EYS: variants seen among roughly 807,000 people sequenced by gnomAD.
The protein encoded by EYS is protein eyes shut homolog.
Under a neutral mutation model 282.1 loss-of-function variants are expected in EYS, and 250 were observed. That is an observed-to-expected ratio of 0.89 (90% CI 0.80 to 0.98). EYS has a LOEUF of 0.98. Among genes scored for constraint, EYS ranks in the 50% least tolerant of loss-of-function variants. The pLI, the probability that EYS is intolerant of heterozygous loss-of-function variation, is 0.00. For synonymous variants in EYS, 1,355 were observed against 1,282.9 expected (o/e 1.06, Z -1.20); for missense variants, 4,016 against 3,709.0 (o/e 1.08, Z -2.15).
At chr6:64,285,095 A>G (rs1021955616) in intron 30 of EYS, among the ~76,000 whole-genome samples, 3 of 152,180 alleles carry the variant, frequency 2.0e-5, no homozygotes, top group African/African-American at 7.2e-5. Flanking sequence ...TTTATTTTCT[A>G]TCCCATTGTC....
intron 31 of EYS, among the ~76,000 whole-genome samples, chr6:64,134,956 G>GT (rs1215601399): frequency 6.6e-6 from 1 of 152,084 alleles, no homozygotes; most frequent in African/African-American, 2.4e-5. Flanking sequence ...TTCATAACTA[G>GT]TAAGAAAGGC....
chr6:64,508,031 T>C (rs564513171), intron 26 of EYS, among the ~76,000 whole-genome samples: 2 of 152,276 alleles, frequency 1.3e-5, no homozygotes, highest in East Asian at 3.9e-4. Context: ...TTCTACTACT[T>C]TGGTAGTTTG....
At chr6:64,897,703 C>A (rs1583273175) in intron 18 of EYS, among the ~76,000 whole-genome samples, 1 of 152,094 alleles carries the variant, frequency 6.6e-6, no homozygotes, top group African/African-American at 2.4e-5. Flanking sequence ...AGCTAAGAAC[C>A]TTGATAAAAT....
intron 39 of EYS, among the ~76,000 whole-genome samples, chr6:63,783,761 G>T (rs1207993505): frequency 6.6e-6 from 1 of 152,134 alleles, no homozygotes; most frequent in Non-Finnish European, 1.5e-5. Context: ...TTTAAGCACG[G>T]GCCCTGAGGC....
In EYS at chr6:64,513,537, A is replaced by G. The variant is rs151043651; in HGVS notation, c.5645-74185T>C. Reference sequence around the variant, plus strand: ...TAGAAAATATTTTACTGTCCCTACAACAAATGATTAAGTGCTAAATGGGTA... The same window carrying G: ...TAGAAAATATTTTACTGTCCCTACAGCAAATGATTAAGTGCTAAATGGGTA... On this transcript the variant is annotated intron_variant, in intron 26 of 42. Transcript: ENST00000503581. Among the ~76,000 whole-genome samples, 54 of 152,046 alleles carry G rather than the reference A, an allele frequency of 3.6e-4. 1 individual carries two copies. The Middle Eastern group carries it at 0.01, about 29-fold the overall frequency.
intron 31 of EYS, among the ~76,000 whole-genome samples, chr6:64,181,904 T>G (rs1242678166): frequency 6.6e-6 from 1 of 152,160 alleles, no homozygotes; most frequent in African/African-American, 2.4e-5. Context: ...GGTAAAGGAC[T>G]TCTATGATGT....
At position 64,921,977 on chromosome 6, in the gene EYS, A is replaced by C. The variant is rs192200071; in HGVS notation, c.2382-9234T>G. Among the ~76,000 whole-genome samples, 148 of 152,314 alleles carry C rather than the reference A, an allele frequency of 9.7e-4. 1 individual carries two copies. The highest frequency in any genetic ancestry group is 4.4e-5 in the Non-Finnish European group (3 of 68,030). ...TAAAAAACAAGAACAAAAATTAAAA[A>C]AAAAAACTTGCTTGAAATATAAGGC... is the stretch of plus-strand genomic sequence containing the variant. On this transcript the variant is annotated intron_variant, in intron 15 of 42. Transcript: ENST00000503581.
At chr6:65,157,811 C>A (rs569932339) in intron 12 of EYS, among the ~76,000 whole-genome samples, 1 of 150,528 alleles carries the variant, frequency 6.6e-6, no homozygotes, top group African/African-American at 2.4e-5. Context: ...CATATTATAA[C>A]TTTAACATGT....
intron 5 of EYS, among the ~76,000 whole-genome samples, chr6:65,455,660 A>G (rs1446849468): frequency 2.0e-5 from 3 of 152,112 alleles, no homozygotes; most frequent in Non-Finnish European, 4.4e-5. Flanking sequence ...GAAAAAATTG[A>G]TATGTTTCTG....
In EYS at chr6:64,798,338, T is replaced by C. The variant is rs367718962; in HGVS notation, c.3443+15040A>G. 2.0e-5 allele frequency among the ~76,000 whole-genome samples: 3 copies of C among 151,904 alleles called. No individual in the cohort carries two copies. The East Asian group carries it at 5.8e-4, about 29-fold the overall frequency. On this transcript the variant is annotated intron_variant, in intron 22 of 42. Transcript: ENST00000503581. The stretch of plus-strand genomic sequence containing the variant: ...TGAATAATTTTCATCCATACAGATA[T>C]AAGAAGCTTAGGAGATATCAAAAAA...
chr6:65,319,204 C>CAAAAAAAAAAAAAAAAA (rs55687610), intron 11 of EYS, among the ~76,000 whole-genome samples: 2 of 44,392 alleles, frequency 4.5e-5, no homozygotes, highest in African/African-American at 8.8e-5. Flanking sequence ...ACTAAAAATG[C>CAAAAAAAAAAAAAAAAA]AAAAAAAAAA....
At chr6:65,541,391 C>A (rs553225581) in intron 2 of EYS, among the ~76,000 whole-genome samples, 1 of 113,040 alleles carries the variant, frequency 8.8e-6, no homozygotes, top group Non-Finnish European at 1.7e-5. Flanking sequence ...CAATATTTGG[C>A]CATTATGTAA....
At chr6:64,520,663 A>G (rs1582847555) in intron 26 of EYS, among the ~76,000 whole-genome samples, 1 of 151,962 alleles carries the variant, frequency 6.6e-6, no homozygotes, top group East Asian at 1.9e-4. Flanking sequence ...GAGACTGGAT[A>G]TGCACATTGA....
At chr6:65,635,879 C>T (rs1259320133) in intron 2 of EYS, among the ~76,000 whole-genome samples, 1 of 152,212 alleles carries the variant, frequency 6.6e-6, no homozygotes, top group East Asian at 1.9e-4. Context: ...AATTTCATCT[C>T]TGCCTGAACC....
chr6:64,005,473 T>C lies in EYS; in HGVS notation c.6726-6290A>G, dbSNP rs556951167. 2.3e-4 allele frequency among the ~76,000 whole-genome samples: 35 copies of C among 152,332 alleles called. No homozygotes were observed. In the South Asian group the frequency reaches 4.8e-3, roughly 21 times the overall value. On this transcript the variant is annotated intron_variant, in intron 33 of 42. Transcript: ENST00000503581. ...GCTTTGCAGAAGCTCTTTAGTTTAA[T>C]TAGGTCTTATTTGTCAAGTTTTGTT...
intron 22 of EYS, among the ~76,000 whole-genome samples, chr6:64,724,991 CA>C (rs1262314584): frequency 6.6e-6 from 1 of 151,796 alleles, no homozygotes; most frequent in African/African-American, 2.4e-5. Context: ...AAAAACAAAT[CA>C]AACAAAAACT....
chr6:65,686,006 C>T (rs962401131), intron 1 of EYS, among the ~76,000 whole-genome samples: 1 of 152,038 alleles, frequency 6.6e-6, no homozygotes, highest in African/African-American at 2.4e-5. Flanking sequence ...AAGTGCATTG[C>T]GAGATTATTT....
chr6:64,858,705 C>G (rs1454139836), intron 19 of EYS, among the ~76,000 whole-genome samples: 1 of 151,668 alleles, frequency 6.6e-6, no homozygotes, highest in Non-Finnish European at 1.5e-5. Context: ...TGCAGGATAC[C>G]AATTAAATAA....
chr6:64,800,867 A>C (rs898687264), intron 22 of EYS, among the ~76,000 whole-genome samples: 1 of 152,086 alleles, frequency 6.6e-6, no homozygotes, highest in African/African-American at 2.4e-5. Context: ...AATAATGAAC[A>C]AAAGGACCTG....
Sources: allele counts gnomAD v4.1 joint callset (sites outside exome capture counted in the v4.1 genomes callset), GRCh38; gene constraint gnomAD v4.1.1; transcripts MANE v1.5; gene names NCBI Gene and HGNC (gene_info 2026-07-23, HGNC 2026-07-21).